Variants in SPATA18 observed in about 807,000 individuals in gnomAD.
The protein encoded by SPATA18 is spermatogenesis associated 18.
A neutral mutation model predicts 68.1 loss-of-function variants in SPATA18; 54 were observed. That is an observed-to-expected ratio of 0.79 (90% CI 0.64 to 0.99). The LOEUF is 0.99. Among genes scored for constraint, SPATA18 ranks in the 50% least tolerant of loss-of-function variants. The probability of loss-of-function intolerance (pLI) is 0.00; values close to 1 mark genes in which losing one functional copy is unlikely to be tolerated. For missense variants in SPATA18, 724 were observed against 681.1 expected (o/e 1.06, Z -0.70); for synonymous variants, 242 against 244.8 (o/e 0.99, Z 0.11).
intron 1 of SPATA18, among the ~76,000 whole-genome samples, chr4:52,060,216 C>T (rs1007055308): frequency 4.6e-5 from 7 of 152,174 alleles, no homozygotes; most frequent in African/African-American, 1.7e-4. Flanking sequence ...CATGGCCACA[C>T]GAACTGCTAG....
At chr4:52,092,302 A>G (rs533719921) in intron 11 of SPATA18, among the ~76,000 whole-genome samples, 24 of 151,722 alleles carry the variant, frequency 1.6e-4, no homozygotes, top group Admixed American at 3.3e-4. Context: ...TGTCTGCCCA[A>G]TTGGCTGCCC....
Position 52,095,660 on chromosome 4 carries a change from T to A in SPATA18, c.*773T>A, listed in dbSNP as rs1452327126. The A allele has an allele frequency of 6.6e-6, 1 of 152,214 alleles. No individual in the cohort carries two copies. Among genetic ancestry groups the A allele is most frequent in the Non-Finnish European group, 1.5e-5 (1 of 68,046 alleles). 9.4% of individuals were successfully genotyped at this position (152,214 alleles called of 1,614,324 possible). A position where few individuals can be genotyped will look rare whatever the true frequency, so the allele number is the denominator to read the frequency against. Reference sequence around the variant, plus strand: ...TTACCTCATGCATATCTCCTGGGAATATTTCAAACTGTTTTAATGCATGTG... The same window carrying A: ...TTACCTCATGCATATCTCCTGGGAAAATTTCAAACTGTTTTAATGCATGTG... On this transcript the variant is annotated 3_prime_UTR_variant, in exon 13 of 13. Transcript: ENST00000295213.
chr4:52,085,028 A>G, intron 11 of SPATA18, 29 bp downstream of exon 11: 1 of 1,548,136 alleles, frequency 6.5e-7, no homozygotes, highest in Non-Finnish European at 8.8e-7. Flanking sequence ...ATTTTTACAC[A>G]AAATTCATCT....
chr4:52,066,499 A>AATATT (rs1248925232), intron 4 of SPATA18, among the ~76,000 whole-genome samples: 16 of 152,276 alleles, frequency 1.1e-4, no homozygotes, highest in East Asian at 5.8e-4. Flanking sequence ...TCCTTTTAAA[A>AATATT]ATATTATATT....
intron 11 of SPATA18, among the ~76,000 whole-genome samples, chr4:52,089,859 A>T (rs955409512): frequency 6.6e-6 from 1 of 152,164 alleles, no homozygotes; most frequent in Non-Finnish European, 1.5e-5. Flanking sequence ...TGTCTCATTG[A>T]TCTGTCTAAT....
intron 11 of SPATA18, among the ~76,000 whole-genome samples, chr4:52,090,833 G>C (rs370244422): frequency 2.6e-5 from 4 of 152,210 alleles, no homozygotes; most frequent in South Asian, 4.2e-4. Flanking sequence ...ATCTTGGCCT[G>C]TCTTGCTTGG....
At chr4:52,061,381 T>A (rs1738835791) in intron 3 of SPATA18, among the ~76,000 whole-genome samples, 1 of 151,754 alleles carries the variant, frequency 6.6e-6, no homozygotes, top group Admixed American at 6.6e-5. Flanking sequence ...ATGTGGGGCT[T>A]AAAACCTAGG....
Position 52,096,674 on chromosome 4 carries a change from A to G in SPATA18, c.*1787A>G, listed in dbSNP as rs368624929. ...GAGCCACCAGCTACAAATGAAAATC[A>G]ATGTGTGTATTGGCAACAGAAAATC... On this transcript the variant is annotated 3_prime_UTR_variant, in exon 13 of 13. Coordinates refer to ENST00000295213, the MANE Select transcript of SPATA18 (RefSeq NM_145263.4). 1 of 152,082 alleles carries G rather than the reference A, an allele frequency of 6.6e-6. No homozygotes were observed. Among genetic ancestry groups the G allele is most frequent in the Admixed American group, 6.6e-5 (1 of 15,244 alleles). The allele number at this position is 152,082 out of a possible 1,614,324, so 9.4% of individuals were successfully genotyped here.
chr4:52,089,702 A>G (rs1407959382), intron 11 of SPATA18, among the ~76,000 whole-genome samples: 3 of 152,154 alleles, frequency 2.0e-5, no homozygotes, highest in African/African-American at 7.2e-5. Context: ...TTTACTTCCA[A>G]TTATGTGGTC....
At chr4:52,077,995 G>T (rs997256121) in intron 7 of SPATA18, among the ~76,000 whole-genome samples, 1 of 151,996 alleles carries the variant, frequency 6.6e-6, no homozygotes, top group Admixed American at 6.6e-5. Context: ...TTAAATCAGG[G>T]TTAGCAAACC....
chr4:52,073,033 C>A (rs767935811), intron 6 of SPATA18, among the ~76,000 whole-genome samples: 1 of 152,178 alleles, frequency 6.6e-6, no homozygotes, highest in Non-Finnish European at 1.5e-5. Flanking sequence ...TAACAACCCC[C>A]CTCAAGCCCC....
chr4:52,080,947 A>G (rs1461685866), intron 9 of SPATA18, among the ~76,000 whole-genome samples: 1 of 152,240 alleles, frequency 6.6e-6, no homozygotes, highest in Non-Finnish European at 1.5e-5. Flanking sequence ...ACTTATGCAA[A>G]TCACAACAAT....
chr4:52,093,016 G>A lies in SPATA18; in HGVS notation c.1564-1511G>A, dbSNP rs572544561. Among the ~76,000 whole-genome samples the A allele has an allele frequency of 1.1e-4, 16 of 152,202 alleles. No homozygotes were observed. The South Asian group carries it at 3.3e-3, about 32-fold the overall frequency. ...AGAGTGGATGGTGGGAGGAGGGAGA[G>A]GATCGGGAAAAATAACTAATTGGTA... On this transcript the variant is annotated intron_variant, in intron 11 of 12. Transcript: ENST00000295213.
At chr4:52,062,402 A>G in intron 4 of SPATA18, 70 bp downstream of exon 4, 1 of 1,107,244 alleles carries the variant, frequency 9.0e-7, no homozygotes, top group Non-Finnish European at 1.4e-6. Flanking sequence ...TAAATTCGAA[A>G]GGAGAATAAT....
intron 1 of SPATA18, among the ~76,000 whole-genome samples, chr4:52,055,891 C>T (rs1738295768): frequency 6.6e-6 from 1 of 152,158 alleles, no homozygotes; most frequent in Non-Finnish European, 1.5e-5. Flanking sequence ...TCCTCCAGGG[C>T]AGGAGACATT....
At chr4:52,060,220 C>A in intron 1 of SPATA18, among the ~76,000 whole-genome samples, 199 bp from the exon 2 acceptor site, 1 of 152,194 alleles carries the variant, frequency 6.6e-6, no homozygotes, top group East Asian at 1.9e-4. Context: ...GCCACACGAA[C>A]TGCTAGGGAA....
intron 4 of SPATA18, among the ~76,000 whole-genome samples, chr4:52,068,855 A>T (rs984839054): frequency 6.6e-6 from 1 of 152,046 alleles, no homozygotes; most frequent in East Asian, 1.9e-4. Context: ...ATTCAGTATC[A>T]TCTATCTCAC....
chr4:52,079,602 A>G, intron 8 of SPATA18, 142 bp from the exon 9 acceptor site: 1 of 899,648 alleles, frequency 1.1e-6, no homozygotes, highest in South Asian at 1.7e-5. Flanking sequence ...TTCTCCTTTT[A>G]GCACATTCAC....
chr4:52,083,769 T>G, intron 10 of SPATA18, among the ~76,000 whole-genome samples: 3 of 138,052 alleles, frequency 2.2e-5, no homozygotes, highest in Admixed American at 7.6e-5. Context: ...TGAGATGGAG[T>G]CTCGTTCTGT....
Sources: gnomAD v4.1 joint callset for allele counts (sites outside exome capture counted in the v4.1 genomes callset) on GRCh38, gnomAD v4.1.1 for gene constraint, MANE v1.5 for transcripts, NCBI Gene and HGNC (gene_info 2026-07-23, HGNC 2026-07-21) for gene names.